Variants in CEP112 observed in about 807,000 individuals in gnomAD.
CEP112 encodes the protein centrosomal protein 112, also known as centrosomal protein of 112 kDa.
In CEP112, 127 loss-of-function variants were observed where a neutral mutation model predicts 153.0. The observed-to-expected ratio is 0.83, with a 90% CI of 0.72 to 0.96. The LOEUF is 0.96. CEP112 is among the 40% of genes least tolerant of loss of function. The probability of loss-of-function intolerance (pLI) is 0.00; values close to 1 mark genes in which losing one functional copy is unlikely to be tolerated. For synonymous variants in CEP112, 358 were observed against 374.4 expected, an observed-to-expected ratio of 0.96 and a Z score of 0.51; for missense variants, 1,089 against 1,101.2, an observed-to-expected ratio of 0.99 and a Z score of 0.16.
chr17:65,871,391 T>C (rs528466969), intron 20 of CEP112, among the ~76,000 whole-genome samples: 230 of 152,244 alleles, frequency 1.5e-3, no homozygotes, highest in African/African-American at 5.4e-3. Context: ...CGCCCAGCAC[T>C]TTGGGAGGTC....
At chr17:66,061,187 C>T (rs2066908548) in intron 11 of CEP112, among the ~76,000 whole-genome samples, 1 of 151,980 alleles carries the variant, frequency 6.6e-6, no homozygotes, top group African/African-American at 2.4e-5. Flanking sequence ...AAATGCTAAA[C>T]CTCACTAATC....
rs1431131347 is a variant in CEP112, at chr17:66,168,015, G to A, written c.470+7029C>T. ...AAATTTTTTATTTTTATGTTTAAAT[G>A]TATATATATCTGTTATACAAATTTA... is the stretch of plus-strand genomic sequence containing the variant. On this transcript the variant is annotated intron_variant, in intron 4 of 26. Transcript: ENST00000535342. Among the ~76,000 whole-genome samples, 2 of 152,150 alleles carry A rather than the reference G, an allele frequency of 1.3e-5. 1 individual carries two copies. Among genetic ancestry groups the A allele is most frequent in the Non-Finnish European group, 2.9e-5 (2 of 68,030 alleles).
chr17:65,955,066 G>A (rs12451370), intron 18 of CEP112, among the ~76,000 whole-genome samples: 62,962 of 151,976 alleles, frequency 0.41, 14,435 homozygotes, highest in East Asian at 0.87. Flanking sequence ...TAGTCATCAC[G>A]TTATCTAAAG....
At chr17:65,699,611 A>G (rs1034424788) in intron 23 of CEP112, among the ~76,000 whole-genome samples, 6 of 152,018 alleles carry the variant, frequency 3.9e-5, no homozygotes, top group African/African-American at 1.4e-4. Flanking sequence ...GAAATTGGCC[A>G]CATTTCTTTT....
Position 65,715,487 on chromosome 17 carries a change from G to A in CEP112, c.2608-26269C>T, listed in dbSNP as rs773680320. Among the ~76,000 whole-genome samples, 6 of 151,854 alleles carry A rather than the reference G, an allele frequency of 4.0e-5. No homozygotes were observed. The East Asian group carries it at 5.8e-4, about 15-fold the overall frequency. On this transcript the variant is annotated intron_variant, in intron 23 of 26. Coordinates refer to ENST00000535342, the MANE Select transcript of CEP112 (RefSeq NM_001199165.4). Reference sequence around the variant, plus strand: ...TTTTTTTTAGACGGAGTCTTGCTCCGTCGCTCAGGCTGGAGTGCAGTGGTG... The same window carrying A: ...TTTTTTTTAGACGGAGTCTTGCTCCATCGCTCAGGCTGGAGTGCAGTGGTG...
In CEP112 at chr17:66,053,883, C is replaced by G. The variant is rs765104131; in HGVS notation, c.1075-4G>C. On this transcript the variant is annotated splice_region_variant and splice_polypyrimidine_tract_variant and intron_variant, in intron 11 of 26. Transcript: ENST00000535342. ...TTTCTGCTACAGCATTGTGAAGCTACATCAGGAAATCAAGAGTTGACTCTT... is the reference window on the plus strand; with the variant it reads ...TTTCTGCTACAGCATTGTGAAGCTAGATCAGGAAATCAAGAGTTGACTCTT... The G allele has an allele frequency of 2.5e-6, 4 of 1,608,636 alleles. No individual in the cohort carries two copies. The highest frequency in any genetic ancestry group is 3.4e-6 in the Non-Finnish European group (4 of 1,177,066).
intron 21 of CEP112, among the ~76,000 whole-genome samples, chr17:65,821,514 TTATA>T (rs570389723): frequency 0.092 from 4,631 of 50,130 alleles, 429 homozygotes; most frequent in South Asian, 0.17. Flanking sequence ...ATATATATAA[TTATA>T]TATATATATA....
chr17:66,005,828 G>T, intron 16 of CEP112, 59 bp from the exon 17 acceptor site: 1 of 1,420,344 alleles, frequency 7.0e-7, no homozygotes, highest in South Asian at 1.3e-5. Flanking sequence ...ACTTCAAAGA[G>T]ACATACAAAC....
chr17:65,804,045 A>T (rs1175841442), intron 21 of CEP112, among the ~76,000 whole-genome samples: 1 of 152,220 alleles, frequency 6.6e-6, no homozygotes, highest in Non-Finnish European at 1.5e-5. Flanking sequence ...CTTATTTAAC[A>T]TAGATAAAAG....
intron 24 of CEP112, 83 bp from the exon 25 acceptor site, chr17:65,641,148 T>G: frequency 1.3e-6 from 1 of 751,912 alleles, no homozygotes; most frequent in South Asian, 1.6e-5. Flanking sequence ...ACAGATCTGT[T>G]CATCACAATG....
intron 20 of CEP112, among the ~76,000 whole-genome samples, chr17:65,877,845 A>G (rs1398953241): frequency 2.6e-5 from 4 of 152,216 alleles, no homozygotes; most frequent in South Asian, 2.1e-4. Flanking sequence ...ACACATATAC[A>G]CAATGGAATA....
intron 21 of CEP112, among the ~76,000 whole-genome samples, chr17:65,832,848 T>C (rs1170182341): frequency 2.0e-5 from 3 of 152,114 alleles, no homozygotes; most frequent in Non-Finnish European, 2.9e-5. Context: ...CCCCAACGCA[T>C]TCTATGAGGC....
intron 1 of CEP112, among the ~76,000 whole-genome samples, chr17:66,190,422 T>C (rs553621320): frequency 6.0e-4 from 91 of 152,350 alleles, no homozygotes; most frequent in Non-Finnish European, 1.2e-3. Flanking sequence ...TTTATCAGAA[T>C]TGAAAATTTA....
At chr17:65,666,369 C>T (rs965327718) in intron 24 of CEP112, among the ~76,000 whole-genome samples, 1 of 152,092 alleles carries the variant, frequency 6.6e-6, no homozygotes, top group Admixed American at 6.5e-5. Flanking sequence ...CAATGTCTAC[C>T]TCATGGGACA....
chr17:65,915,156 C>A (rs1052027580), intron 19 of CEP112, among the ~76,000 whole-genome samples: 1 of 152,170 alleles, frequency 6.6e-6, no homozygotes, highest in Non-Finnish European at 1.5e-5. Flanking sequence ...GTGTTGGCAG[C>A]CCCTAGACTC....
intron 8 of CEP112, among the ~76,000 whole-genome samples, chr17:66,086,196 A>G (rs2067921798): frequency 6.6e-6 from 1 of 151,966 alleles, no homozygotes; most frequent in Non-Finnish European, 1.5e-5. Flanking sequence ...AATGCTATTT[A>G]TTGTTTTAAA....
chr17:65,640,955 A>G lies in CEP112; in HGVS notation c.2799+9T>C. On this transcript the variant is annotated intron_variant, in intron 25 of 26. Coordinates refer to ENST00000535342, the MANE Select transcript of CEP112 (RefSeq NM_001199165.4). Reference sequence around the variant, plus strand: ...AATCCTTGGAAAATGCCTTGATTCTAGTAATTACCTGTGATTTTAGGGAGG... The same window carrying G: ...AATCCTTGGAAAATGCCTTGATTCTGGTAATTACCTGTGATTTTAGGGAGG... 1 of 1,377,232 alleles carries G rather than the reference A, an allele frequency of 7.3e-7. No individual in the cohort carries two copies. The highest frequency in any genetic ancestry group is 1.0e-6 in the Non-Finnish European group (1 of 964,472). 85.3% of individuals were successfully genotyped at this position (1,377,232 alleles called of 1,614,324 possible).
In CEP112 at chr17:66,175,191, G is replaced by A. The variant is rs761158566; in HGVS notation, c.323C>T (p.Pro108Leu). 8.8e-6 allele frequency: 14 copies of A among 1,592,696 alleles called. No individual in the cohort carries two copies. Among genetic ancestry groups the A allele is most frequent in the Non-Finnish European group, 1.2e-5 (14 of 1,171,588 alleles). The change falls in exon 4 of 27, where the codon CCA (proline) becomes CTA (leucine). Residue 108 changes from proline to leucine, a missense_variant. Physicochemically the swap from Pro to Leu is moderately conservative, Grantham distance 98. Transcript: ENST00000535342. Reference protein sequence around the residue: ...YMSIYFDEPNPARAKGSSPEG... With the variant: ...YMSIYFDEPNLARAKGSSPEG... ...TGGGCTTGAACCTTTTGCTCGTGCT[G>A]GATTTGGTTCATCAAAATAGATGGA... is the stretch of plus-strand genomic sequence containing the variant.
At chr17:66,111,751 T>C (rs947836486) in intron 6 of CEP112, among the ~76,000 whole-genome samples, 1 of 151,994 alleles carries the variant, frequency 6.6e-6, no homozygotes, top group Non-Finnish European at 1.5e-5. Flanking sequence ...AAGGGAACTA[T>C]TGGGTACTGG....
Sources: allele counts gnomAD v4.1 joint callset (sites outside exome capture counted in the v4.1 genomes callset), GRCh38; gene constraint gnomAD v4.1.1; transcripts MANE v1.5; gene names NCBI Gene and HGNC (gene_info 2026-07-23, HGNC 2026-07-21).